Variants in CDH12 observed in about 807,000 individuals in gnomAD.
CDH12 encodes cadherin 12.
Under a neutral mutation model 74.1 loss-of-function variants are expected in CDH12, and 41 were observed. The observed-to-expected ratio is 0.55, with a 90% CI of 0.43 to 0.72. The LOEUF is 0.72. Ranked by LOEUF, CDH12 falls within the 30% of genes least tolerant of loss-of-function variation. The probability of loss-of-function intolerance (pLI) is 0.00; values close to 1 mark genes in which losing one functional copy is unlikely to be tolerated. For missense variants in CDH12, 945 were observed against 977.2 expected, an observed-to-expected ratio of 0.97 and a Z score of 0.44; for synonymous variants, 399 against 355.0, an observed-to-expected ratio of 1.12 and a Z score of -1.39.
intron 6 of CDH12, among the ~76,000 whole-genome samples, chr5:21,919,836 CAG>C (rs1239845354): frequency 1.3e-5 from 2 of 152,120 alleles, no homozygotes; most frequent in South Asian, 2.1e-4. Context: ...TTCTCATTGT[CAG>C]AGTTTGACAG....
intron 5 of CDH12, among the ~76,000 whole-genome samples, chr5:22,020,554 CAAA>C (rs113531853): frequency 8.8e-5 from 10 of 114,230 alleles, no homozygotes; most frequent in Admixed American, 1.8e-4. Flanking sequence ...GACTTCGTTT[CAAA>C]AAAAAAAAAA....
chr5:22,023,389 C>A (rs577309225), intron 5 of CDH12, among the ~76,000 whole-genome samples: 12 of 152,084 alleles, frequency 7.9e-5, no homozygotes, highest in Non-Finnish European at 1.6e-4. Flanking sequence ...ACTTAAAAAT[C>A]TGTATTAAAT....
At chr5:21,984,792 T>G (rs1267291303) in intron 5 of CDH12, among the ~76,000 whole-genome samples, 1 of 152,214 alleles carries the variant, frequency 6.6e-6, no homozygotes, top group Non-Finnish European at 1.5e-5. Context: ...AAAATCTATA[T>G]TCTCAAAATC....
intron 2 of CDH12, among the ~76,000 whole-genome samples, chr5:22,464,525 G>T (rs185747208): frequency 4.6e-5 from 7 of 152,200 alleles, no homozygotes; most frequent in African/African-American, 1.7e-4. Flanking sequence ...AACGGGATCT[G>T]ATTCTTCTGT....
chr5:22,348,005 T>A (rs1740189673), intron 3 of CDH12, among the ~76,000 whole-genome samples: 1 of 152,126 alleles, frequency 6.6e-6, no homozygotes, highest in South Asian at 2.1e-4. Flanking sequence ...TCCAGGACGG[T>A]TCACCTTCCA....
intron 1 of CDH12, among the ~76,000 whole-genome samples, chr5:22,800,861 T>C (rs1304479097): frequency 6.6e-6 from 1 of 152,200 alleles, no homozygotes; most frequent in Non-Finnish European, 1.5e-5. Context: ...TCCTTGTCTT[T>C]TCACGGCTCG....
intron 1 of CDH12, among the ~76,000 whole-genome samples, chr5:22,724,901 A>C (rs1744085230): frequency 6.6e-6 from 1 of 151,808 alleles, no homozygotes; most frequent in African/African-American, 2.4e-5. Flanking sequence ...AAATTAAAAA[A>C]ATAGTTTCCA....
At chr5:22,623,978 T>G (rs1738130063) in intron 1 of CDH12, among the ~76,000 whole-genome samples, 1 of 152,064 alleles carries the variant, frequency 6.6e-6, no homozygotes, top group African/African-American at 2.4e-5. Context: ...TGTAGACCAA[T>G]GGAACAGAAC....
At chr5:22,555,639 C>T (rs1381022019) in intron 1 of CDH12, among the ~76,000 whole-genome samples, 1 of 151,944 alleles carries the variant, frequency 6.6e-6, no homozygotes, top group Non-Finnish European at 1.5e-5. Flanking sequence ...AATTCTTTAT[C>T]ATTTCGTGGT....
At chr5:22,271,864 T>C (rs1475850039) in intron 3 of CDH12, among the ~76,000 whole-genome samples, 1 of 152,170 alleles carries the variant, frequency 6.6e-6, no homozygotes, top group Non-Finnish European at 1.5e-5. Flanking sequence ...TAAACAATCA[T>C]GCTATCACTC....
intron 1 of CDH12, among the ~76,000 whole-genome samples, chr5:22,617,149 A>C (rs7725546): frequency 0.62 from 94,278 of 151,772 alleles, 29,979 homozygotes; most frequent in East Asian, 0.88. Context: ...GCTGGGATTA[A>C]AGAAATGAGC....
At chr5:22,700,287 T>G (rs1276545495) in intron 1 of CDH12, among the ~76,000 whole-genome samples, 6 of 152,182 alleles carry the variant, frequency 3.9e-5, no homozygotes, top group Non-Finnish European at 1.5e-5. Flanking sequence ...ACTTCAAACA[T>G]CCTGTGGACA....
chr5:22,666,554 T>A (rs1480286739), intron 1 of CDH12, among the ~76,000 whole-genome samples: 2 of 152,054 alleles, frequency 1.3e-5, no homozygotes, highest in African/African-American at 2.4e-5. Context: ...CCTCCCAAAG[T>A]GCTGGGATTA....
intron 4 of CDH12, among the ~76,000 whole-genome samples, chr5:22,148,339 G>A (rs536382126): frequency 6.6e-6 from 1 of 152,012 alleles, no homozygotes; most frequent in South Asian, 2.1e-4. Context: ...ACAGTTTTCT[G>A]AGTTGTGCAT....
At chr5:22,761,514 A>T (rs1746227673) in intron 1 of CDH12, among the ~76,000 whole-genome samples, 1 of 152,184 alleles carries the variant, frequency 6.6e-6, no homozygotes, top group South Asian at 2.1e-4. Context: ...CAAGATATAA[A>T]TATAAGCAGT....
chr5:22,114,858 C>A (rs977103977), intron 4 of CDH12, among the ~76,000 whole-genome samples: 1 of 152,146 alleles, frequency 6.6e-6, no homozygotes, highest in Non-Finnish European at 1.5e-5. Flanking sequence ...AGTGTCCAAT[C>A]GCTTCACTTT....
At chr5:22,150,820 G>C (rs1039456233) in intron 4 of CDH12, among the ~76,000 whole-genome samples, 14 of 152,074 alleles carry the variant, frequency 9.2e-5, no homozygotes, top group African/African-American at 3.4e-4. Context: ...CCTCTAGGTG[G>C]ACAAATCAGA....
chr5:22,220,453 T>C (rs1417085666), intron 3 of CDH12, among the ~76,000 whole-genome samples: 2 of 151,768 alleles, frequency 1.3e-5, no homozygotes, highest in Non-Finnish European at 3.0e-5. Flanking sequence ...GTAGATTACA[T>C]CCCAACATAA....
intron 3 of CDH12, among the ~76,000 whole-genome samples, chr5:22,380,375 T>A (rs1406292611): frequency 6.6e-6 from 1 of 152,184 alleles, no homozygotes; most frequent in East Asian, 1.9e-4. Flanking sequence ...TCTTTTGTTA[T>A]AACTCTCTCT....
Sources: allele counts gnomAD v4.1 joint callset (sites outside exome capture counted in the v4.1 genomes callset), GRCh38; gene constraint gnomAD v4.1.1; transcripts MANE v1.5; gene names NCBI Gene and HGNC (gene_info 2026-07-23, HGNC 2026-07-21).